NRF1: variants seen among roughly 807,000 people sequenced by gnomAD.
NRF1 encodes nuclear respiratory factor 1.
Under a neutral mutation model 58.5 loss-of-function variants are expected in NRF1, and 5 were observed. That is an observed-to-expected ratio of 0.09 (90% CI 0.04 to 0.18). The LOEUF is 0.18. Among genes scored for constraint, NRF1 ranks in the 10% least tolerant of loss-of-function variants. The pLI is 1.00. For missense variants in NRF1, 288 were observed against 657.7 expected (o/e 0.44, Z 6.15); for synonymous variants, 224 against 246.7 (o/e 0.91, Z 0.86).
chr7:129,723,298 C>G (rs1803373799), intron 9 of NRF1, among the ~76,000 whole-genome samples: 1 of 151,986 alleles, frequency 6.6e-6, no homozygotes, highest in Admixed American at 6.5e-5. Flanking sequence ...ACAAAATTAG[C>G]CGGGCATGGT....
chr7:129,676,555 C>T (rs993575471), intron 3 of NRF1, among the ~76,000 whole-genome samples: 1 of 152,352 alleles, frequency 6.6e-6, no homozygotes, highest in South Asian at 2.1e-4. Context: ...CAACATTTAT[C>T]AGTCAAGTTT....
chr7:129,633,766 C>G (rs1483501559), intron 1 of NRF1: 2 of 149,566 alleles, frequency 1.3e-5, no homozygotes, highest in African/African-American at 4.9e-5. Flanking sequence ...CACTAGATAA[C>G]CATACTTATT....
At chr7:129,744,299 C>T (rs372875642) in intron 10 of NRF1, 17 of 1,358,374 alleles carry the variant, frequency 1.3e-5, no homozygotes, top group East Asian at 7.5e-5. Context: ...TCATTCCAGG[C>T]GCTGCTTCCT....
chr7:129,630,504 T>C (rs559064957), intron 1 of NRF1, among the ~76,000 whole-genome samples: 5 of 152,290 alleles, frequency 3.3e-5, no homozygotes, highest in South Asian at 4.1e-4. Flanking sequence ...AGTAATGTCT[T>C]TTCAAAAGGG....
chr7:129,616,717 A>G (rs570355870), intron 1 of NRF1, among the ~76,000 whole-genome samples: 3 of 152,364 alleles, frequency 2.0e-5, no homozygotes, highest in African/African-American at 4.8e-5. Flanking sequence ...GGAATGGTCT[A>G]CTGAATCCCA....
chr7:129,680,053 C>T (rs1424740093), intron 4 of NRF1, among the ~76,000 whole-genome samples: 3 of 152,000 alleles, frequency 2.0e-5, no homozygotes, highest in Non-Finnish European at 2.9e-5. Context: ...CAGCCAGACT[C>T]TGTCTCAAAA....
intron 9 of NRF1, among the ~76,000 whole-genome samples, chr7:129,723,312 G>A (rs1326606322): frequency 1.3e-5 from 2 of 151,790 alleles, no homozygotes; most frequent in East Asian, 1.9e-4. Flanking sequence ...GCATGGTGGC[G>A]GGTGCCTGTA....
intron 5 of NRF1, among the ~76,000 whole-genome samples, chr7:129,703,884 T>C (rs1802891561): frequency 6.6e-6 from 1 of 152,202 alleles, no homozygotes; most frequent in Admixed American, 6.5e-5. Context: ...CTGCCTCACA[T>C]ATTAGCCTCT....
chr7:129,693,923 A>G (rs1291611732), intron 5 of NRF1, among the ~76,000 whole-genome samples: 1 of 152,146 alleles, frequency 6.6e-6, no homozygotes, highest in African/African-American at 2.4e-5. Context: ...GGTTTTGATT[A>G]TATTATATCA....
In NRF1 at chr7:129,683,167, C is replaced by T. The variant is rs563308536; in HGVS notation, c.465+5409C>T. ...ATTTGCCTGCCTTGGCCTCCCAAAG[C>T]GTTGGGATTATAGGTGTGAGCCACC... On this transcript the variant is annotated intron_variant, in intron 4 of 10. Coordinates refer to ENST00000393232, the MANE Select transcript of NRF1 (RefSeq NM_005011.5). Among the ~76,000 whole-genome samples the T allele has an allele frequency of 2.6e-5, 4 of 151,628 alleles. No individual in the cohort carries two copies. In the East Asian group the frequency reaches 7.9e-4, roughly 30 times the overall value.
chr7:129,697,654 T>C (rs542796705), intron 5 of NRF1, among the ~76,000 whole-genome samples: 2 of 152,300 alleles, frequency 1.3e-5, no homozygotes, highest in African/African-American at 2.4e-5. Context: ...TTTTAAAAAA[T>C]CTTTTTTGTA....
rs768669635 is a variant in NRF1 at position 129,735,189 on chromosome 7, C to G, written c.1348+7824C>G. The G allele has an allele frequency of 4.4e-5, 43 of 985,282 alleles. No individual in the cohort carries two copies. The Admixed American group carries it at 1.7e-3, about 39-fold the overall frequency. 61.0% of individuals were successfully genotyped at this position (985,282 alleles called of 1,614,324 possible). A position where few individuals can be genotyped will look rare whatever the true frequency, so the allele number is the denominator to read the frequency against. On this transcript the variant is annotated intron_variant, in intron 10 of 10. Transcript: ENST00000393232. ...CCCTGGTTAAGACTAGGGTCTCAACCCTCCCTCCTCATGTTCTGAATGAAG... is the reference window on the plus strand; with the variant it reads ...CCCTGGTTAAGACTAGGGTCTCAACGCTCCCTCCTCATGTTCTGAATGAAG...
At chr7:129,719,135 C>CT (rs146966280) in intron 9 of NRF1, among the ~76,000 whole-genome samples, 1,668 of 145,176 alleles carry the variant, frequency 0.011, 32 homozygotes, top group African/African-American at 0.037. Flanking sequence ...TAAAGTGATT[C>CT]TTTTTTTTTT....
intron 7 of NRF1, among the ~76,000 whole-genome samples, chr7:129,711,100 T>C (rs1803062853): frequency 6.6e-6 from 1 of 152,128 alleles, no homozygotes; most frequent in Admixed American, 6.5e-5. Context: ...GACTTCTGTT[T>C]TACAGTTTCA....
At chr7:129,677,278 T>G (rs557137318) in intron 3 of NRF1, among the ~76,000 whole-genome samples, 2 of 152,220 alleles carry the variant, frequency 1.3e-5, no homozygotes, top group African/African-American at 4.8e-5. Flanking sequence ...CCTCCCAAAG[T>G]GCTGGGATTA....
Position 129,611,787 on chromosome 7 carries a change from T to G in NRF1, c.-44T>G. The G allele has an allele frequency of 4.0e-6, 1 of 251,192 alleles. No homozygotes were observed. 15.6% of individuals were successfully genotyped at this position (251,192 alleles called of 1,614,324 possible). A position where few individuals can be genotyped will look rare whatever the true frequency, so the allele number is the denominator to read the frequency against. ...GCGAGGAGCCGGCGCGGTCGCAGTCTCCACGGCGCAGGCCCACGGTAGCGC... is the reference window on the plus strand; with the variant it reads ...GCGAGGAGCCGGCGCGGTCGCAGTCGCCACGGCGCAGGCCCACGGTAGCGC... On this transcript the variant is annotated 5_prime_UTR_variant, in exon 1 of 11. Coordinates refer to ENST00000393232, the MANE Select transcript of NRF1 (RefSeq NM_005011.5).
At chr7:129,629,997 C>A (rs1313195680) in intron 1 of NRF1, 1 of 152,128 alleles carries the variant, frequency 6.6e-6, no homozygotes, top group Non-Finnish European at 1.5e-5. Flanking sequence ...CTCAAGGACC[C>A]CCAGGGTCCC....
In NRF1 at chr7:129,727,271, G is replaced by A. The variant is rs1263978145; in HGVS notation, c.1254G>A (p.Leu418=). The A allele has an allele frequency of 6.2e-7, 1 of 1,604,070 alleles. No homozygotes were observed. The highest frequency in any genetic ancestry group is 8.5e-7 in the Non-Finnish European group (1 of 1,177,210). The change falls in exon 10 of 11, where the codon CTG becomes CTA. Residue 418 remains leucine, a synonymous_variant. Transcript: ENST00000393232. Reference sequence around the variant, plus strand: ...CTGCCGCCCATGCTGTCGCCACCCTGGCTGAGGCCACCTTACAAGGTGGGG... The same window carrying A: ...CTGCCGCCCATGCTGTCGCCACCCTAGCTGAGGCCACCTTACAAGGTGGGG... ...SEAAAHAVAT[L]AEATLQGGGQ...
At chr7:129,639,974 C>G (rs1801254417) in intron 1 of NRF1, among the ~76,000 whole-genome samples, 1 of 152,210 alleles carries the variant, frequency 6.6e-6, no homozygotes, top group Admixed American at 6.5e-5. Flanking sequence ...CTCTGGCGCT[C>G]ACAGAATACT....
Sources: gnomAD v4.1 joint callset for allele counts (sites outside exome capture counted in the v4.1 genomes callset) on GRCh38, gnomAD v4.1.1 for gene constraint, MANE v1.5 for transcripts, NCBI Gene and HGNC (gene_info 2026-07-23, HGNC 2026-07-21) for gene names.